Variants in KCNIP4 observed in about 807,000 individuals in gnomAD.
The protein encoded by KCNIP4 is Kv channel-interacting protein 4.
KCNIP4 carries 12 observed loss-of-function variants against 34.0 expected under a neutral mutation model. That is an observed-to-expected ratio of 0.35 (90% CI 0.23 to 0.57). KCNIP4 has a LOEUF of 0.57. Ranked by LOEUF, KCNIP4 falls within the 20% of genes least tolerant of loss-of-function variation. The probability of loss-of-function intolerance (pLI) is 0.83; values close to 1 mark genes in which losing one functional copy is unlikely to be tolerated. For missense variants in KCNIP4, 238 were observed against 311.7 expected (o/e 0.76, Z 1.78); for synonymous variants, 124 against 102.2 (o/e 1.21, Z -1.29).
rs912844922 is a variant in KCNIP4, at chr4:21,657,287, T to A, written c.61+291284A>T. ...AATTAAGACTGTCAGTGAGCATTAGTGTGTTGCGTCTGTTGGCTTATTATT... is the reference window on the plus strand; with the variant it reads ...AATTAAGACTGTCAGTGAGCATTAGAGTGTTGCGTCTGTTGGCTTATTATT... On this transcript the variant is annotated intron_variant, in intron 1 of 8. Transcript: ENST00000382152. Among the ~76,000 whole-genome samples, 18 of 152,324 alleles carry A rather than the reference T, an allele frequency of 1.2e-4. 1 individual carries two copies. In the Middle Eastern group the frequency reaches 0.01, roughly 86 times the overall value.
intron 1 of KCNIP4, among the ~76,000 whole-genome samples, chr4:21,664,624 T>G (rs1748701625): frequency 6.6e-6 from 1 of 152,130 alleles, no homozygotes. Context: ...TCTTCTAGCT[T>G]TGTTGTTTAT....
intron 1 of KCNIP4, among the ~76,000 whole-genome samples, chr4:21,158,496 T>A (rs992144953): frequency 1.3e-5 from 2 of 152,108 alleles, no homozygotes; most frequent in Admixed American, 1.3e-4. Flanking sequence ...TAGTTTAACT[T>A]TAGAAAATCA....
At chr4:21,697,709 C>T in intron 1 of KCNIP4, 1 of 1,220,556 alleles carries the variant, frequency 8.2e-7, no homozygotes, top group Non-Finnish European at 1.0e-6. Flanking sequence ...AACAGACAGG[C>T]TGCCGGTTCA....
intron 1 of KCNIP4, among the ~76,000 whole-genome samples, chr4:21,004,612 G>C (rs1383869089): frequency 1.3e-5 from 2 of 152,122 alleles, no homozygotes; most frequent in Non-Finnish European, 2.9e-5. Flanking sequence ...AATTACTGTG[G>C]GAGAGAACAA....
rs1718148587 is a variant in KCNIP4 at position 21,762,792 on chromosome 4, C to G, written c.61+185779G>C. The G allele has an allele frequency of 1.8e-5, 10 of 543,938 alleles. No homozygotes were observed. In the South Asian group the frequency reaches 2.1e-4, roughly 12 times the overall value. The allele number at this position is 543,938 out of a possible 1,614,324, so 33.7% of individuals were successfully genotyped here. ...CGAGTCATCAAAACCATCTTCCAGTCATGACTCTTCTTTATCTGAATAAAT... is the reference window on the plus strand; with the variant it reads ...CGAGTCATCAAAACCATCTTCCAGTGATGACTCTTCTTTATCTGAATAAAT... On this transcript the variant is annotated intron_variant, in intron 1 of 8. Transcript: ENST00000382152.
At chr4:21,564,144 C>T (rs1577602746) in intron 1 of KCNIP4, among the ~76,000 whole-genome samples, 1 of 152,142 alleles carries the variant, frequency 6.6e-6, no homozygotes, top group Non-Finnish European at 1.5e-5. Flanking sequence ...ACATCCTGCT[C>T]TATTATTCTC....
At chr4:21,472,738 G>C (rs1455424390) in intron 1 of KCNIP4, among the ~76,000 whole-genome samples, 1 of 151,576 alleles carries the variant, frequency 6.6e-6, no homozygotes, top group African/African-American at 2.4e-5. Context: ...CAGTCAGCTA[G>C]ATCTGTATTC....
chr4:20,731,465 T>C (rs1220542035), intron 8 of KCNIP4: 1 of 985,158 alleles, frequency 1.0e-6, no homozygotes, highest in Non-Finnish European at 1.2e-6. Flanking sequence ...GGCTACTACC[T>C]GGAGTTCTCT....
intron 1 of KCNIP4, among the ~76,000 whole-genome samples, chr4:21,708,959 C>T (rs1160930643): frequency 6.6e-6 from 1 of 152,050 alleles, no homozygotes; most frequent in Admixed American, 6.6e-5. Flanking sequence ...GCTATTTTCT[C>T]CCCTTCCTTT....
chr4:20,777,447 T>C (rs1039502255), intron 3 of KCNIP4, among the ~76,000 whole-genome samples: 4 of 152,268 alleles, frequency 2.6e-5, no homozygotes, highest in South Asian at 2.1e-4. Flanking sequence ...GTCATAAGAC[T>C]TAAGTTTTTA....
chr4:21,611,821 G>A (rs1426462780), intron 1 of KCNIP4, among the ~76,000 whole-genome samples: 1 of 152,130 alleles, frequency 6.6e-6, no homozygotes, highest in African/African-American at 2.4e-5. Context: ...AAGCCGGCAG[G>A]TATAGTTAGA....
intron 1 of KCNIP4, among the ~76,000 whole-genome samples, chr4:21,286,067 T>C (rs1237490521): frequency 6.6e-6 from 1 of 152,226 alleles, no homozygotes. Context: ...TCCAGCTTCT[T>C]TGCCATTTAC....
Position 21,394,628 on chromosome 4 carries a change from A to G in KCNIP4, c.62-511919T>C, listed in dbSNP as rs114731650. On this transcript the variant is annotated intron_variant, in intron 1 of 8. Transcript: ENST00000382152. Reference sequence around the variant, plus strand: ...ACTGTCATAGGCTCGAACAAGAGCAATATACACTGGGAAACTGAGAAATAC... The same window carrying G: ...ACTGTCATAGGCTCGAACAAGAGCAGTATACACTGGGAAACTGAGAAATAC... 9.4e-3 allele frequency among the ~76,000 whole-genome samples: 1,431 copies of G among 152,236 alleles called. 25 individuals are homozygous for G. The highest frequency in any genetic ancestry group is 0.033 in the African/African-American group (1,375 of 41,538).
At chr4:21,271,453 G>A (rs1308142845) in intron 1 of KCNIP4, among the ~76,000 whole-genome samples, 1 of 152,150 alleles carries the variant, frequency 6.6e-6, no homozygotes, top group East Asian at 1.9e-4. Flanking sequence ...AGCATTACTC[G>A]TGCAACTGTG....
At chr4:21,935,672 G>A (rs375715023) in intron 1 of KCNIP4, among the ~76,000 whole-genome samples, 2 of 151,752 alleles carry the variant, frequency 1.3e-5, no homozygotes, top group South Asian at 2.1e-4. Flanking sequence ...CTCCCTCCAC[G>A]ACCCCCACAT....
At chr4:21,695,471 T>A (rs144056228) in intron 1 of KCNIP4, among the ~76,000 whole-genome samples, 1 of 151,698 alleles carries the variant, frequency 6.6e-6, no homozygotes, top group Non-Finnish European at 1.5e-5. Flanking sequence ...AAGAAAGCAA[T>A]CCCACTTACA....
At chr4:21,137,204 C>T (rs1577760604) in intron 1 of KCNIP4, among the ~76,000 whole-genome samples, 1 of 152,242 alleles carries the variant, frequency 6.6e-6, no homozygotes, top group Non-Finnish European at 1.5e-5. Context: ...TTGTGGTACC[C>T]GACGACACCA....
intron 1 of KCNIP4, among the ~76,000 whole-genome samples, chr4:21,927,908 G>C (rs1187065199): frequency 6.6e-6 from 1 of 151,980 alleles, no homozygotes; most frequent in East Asian, 1.9e-4. Flanking sequence ...GAGGATATAA[G>C]GATCTAAACC....
At chr4:21,931,493 C>G (rs910099269) in intron 1 of KCNIP4, among the ~76,000 whole-genome samples, 4 of 145,820 alleles carry the variant, frequency 2.7e-5, no homozygotes, top group African/African-American at 7.6e-5. Context: ...TGTTCAATTC[C>G]CACCTATGAG....
Sources: allele counts gnomAD v4.1 joint callset (sites outside exome capture counted in the v4.1 genomes callset), GRCh38; gene constraint gnomAD v4.1.1; transcripts MANE v1.5; gene names NCBI Gene and HGNC (gene_info 2026-07-23, HGNC 2026-07-21).